HTR4: variants seen among roughly 807,000 people sequenced by gnomAD.
HTR4 encodes the protein 5-hydroxytryptamine (serotonin) receptor 4, G protein-coupled.
HTR4 carries 16 observed loss-of-function variants against 36.8 expected under a neutral mutation model. The ratio of observed to expected loss-of-function variants is 0.43; its 90% CI spans 0.29 to 0.66. The LOEUF (loss-of-function observed/expected upper bound fraction) is 0.66, where lower values mean the gene tolerates loss of function less well. Among genes scored for constraint, HTR4 ranks in the 30% least tolerant of loss-of-function variants. The pLI is 0.13. For synonymous variants in HTR4, 189 were observed against 185.1 expected (o/e 1.02, Z -0.17); for missense variants, 438 against 490.9 (o/e 0.89, Z 1.02).
chr5:148,588,699 C>T (rs1428923440), intron 2 of HTR4, among the ~76,000 whole-genome samples: 1 of 150,584 alleles, frequency 6.6e-6, no homozygotes, highest in Non-Finnish European at 1.5e-5. Flanking sequence ...CGCCACCGCG[C>T]CCGGCTAATT....
chr5:148,579,733 G>C (rs1345944950), intron 2 of HTR4, among the ~76,000 whole-genome samples: 1 of 152,022 alleles, frequency 6.6e-6, no homozygotes, highest in Non-Finnish European at 1.5e-5. Context: ...GCTGCTGTCA[G>C]CTGAGGTAAC....
At chr5:148,555,667 C>A (rs141484232) in intron 2 of HTR4, among the ~76,000 whole-genome samples, 1 of 152,152 alleles carries the variant, frequency 6.6e-6, no homozygotes, top group Non-Finnish European at 1.5e-5. Flanking sequence ...TAAATTGGTT[C>A]GTTGACAGCT....
intron 2 of HTR4, among the ~76,000 whole-genome samples, chr5:148,608,420 C>A (rs72832082): frequency 0.022 from 3,402 of 152,152 alleles, 49 homozygotes; most frequent in African/African-American, 0.035. Context: ...TGTGCCATAA[C>A]TAGCCAAATG....
chr5:148,491,636 A>T (rs10077498), intron 6 of HTR4, among the ~76,000 whole-genome samples: 72,089 of 151,958 alleles, frequency 0.47, 17,649 homozygotes, highest in African/African-American at 0.6. Context: ...CAAAAATGCC[A>T]CCAGATATTG....
chr5:148,555,164 C>T (rs12055273), intron 2 of HTR4, among the ~76,000 whole-genome samples: 28,153 of 151,964 alleles, frequency 0.19, 3,708 homozygotes, highest in African/African-American at 0.37. Context: ...TGTTTTAGGT[C>T]GCTTTTTTGT....
At chr5:148,524,775 A>G (rs1219320163) in intron 4 of HTR4, among the ~76,000 whole-genome samples, 2 of 152,236 alleles carry the variant, frequency 1.3e-5, no homozygotes, top group Non-Finnish European at 2.9e-5. Flanking sequence ...TATGCAGTTC[A>G]CTTTGTTAAT....
intron 2 of HTR4, among the ~76,000 whole-genome samples, chr5:148,558,635 C>T (rs1282856658): frequency 2.6e-5 from 4 of 152,144 alleles, no homozygotes; most frequent in South Asian, 4.1e-4. Context: ...AAAACCGTCC[C>T]TTGTCGTGAA....
At chr5:148,453,545 A>C (rs756881843) in intron 5 of HTR4, among the ~76,000 whole-genome samples, 1 of 152,194 alleles carries the variant, frequency 6.6e-6, no homozygotes, top group Non-Finnish European at 1.5e-5. Context: ...TTCTAGGTAG[A>C]GGGAACAGCA....
At chr5:148,544,802 T>G (rs1182136719) in intron 4 of HTR4, among the ~76,000 whole-genome samples, 1 of 151,926 alleles carries the variant, frequency 6.6e-6, no homozygotes, top group Non-Finnish European at 1.5e-5. Context: ...ACTAAAGGAG[T>G]CCTACATTTT....
Position 148,654,120 on chromosome 5 carries a change from C to A in HTR4, c.-106G>T. 1.0e-6 allele frequency: 1 copy of A among 985,660 alleles called. No individual in the cohort carries two copies. Among genetic ancestry groups the A allele is most frequent in the South Asian group, 4.7e-5 (1 of 21,432 alleles). The allele number at this position is 985,660 out of a possible 1,614,324, so 61.1% of individuals were successfully genotyped here. ...GCAGATTCGAGCGGCCACCCCCAGCCGCTGAGCCGAGCTTCTGCTGCCGCC... is the reference window on the plus strand; with the variant it reads ...GCAGATTCGAGCGGCCACCCCCAGCAGCTGAGCCGAGCTTCTGCTGCCGCC... On this transcript the variant is annotated 5_prime_UTR_variant, in exon 1 of 7. Coordinates refer to ENST00000377888, the MANE Select transcript of HTR4 (RefSeq NM_000870.7).
chr5:148,501,284 G>A (rs987426156), intron 6 of HTR4, among the ~76,000 whole-genome samples: 4 of 152,172 alleles, frequency 2.6e-5, no homozygotes, highest in Admixed American at 2.6e-4. Context: ...CATTTACATA[G>A]AGTGAGAAAA....
At chr5:148,504,866 C>A (rs991328738) in intron 6 of HTR4, among the ~76,000 whole-genome samples, 4 of 152,162 alleles carry the variant, frequency 2.6e-5, no homozygotes, top group African/African-American at 9.7e-5. Context: ...CTATAAACAC[C>A]TCTACGCAAA....
chr5:148,625,885 C>G (rs929967267), intron 2 of HTR4, among the ~76,000 whole-genome samples: 2 of 151,310 alleles, frequency 1.3e-5, no homozygotes, highest in African/African-American at 4.9e-5. Context: ...GGCTGCAAAG[C>G]CTTTTTTTTT....
chr5:148,651,695 T>C (rs572742848), intron 1 of HTR4, among the ~76,000 whole-genome samples: 28 of 151,522 alleles, frequency 1.8e-4, no homozygotes, highest in Non-Finnish European at 2.2e-4. Flanking sequence ...ACCTTAATAA[T>C]ATTATTGAAT....
At chr5:148,473,907 G>A (rs187054980), downstream of HTR4, among the ~76,000 whole-genome samples, 7 of 152,174 alleles carry the variant, frequency 4.6e-5, 1 homozygote, top group South Asian at 1.2e-3. Flanking sequence ...AGAAATGCCA[G>A]GAAATTAGAG....
At chr5:148,580,823 G>T (rs1761104193) in intron 2 of HTR4, among the ~76,000 whole-genome samples, 2 of 152,124 alleles carry the variant, frequency 1.3e-5, no homozygotes, top group African/African-American at 4.8e-5. Flanking sequence ...TTGTTGCCAT[G>T]AACATGGGAG....
At chr5:148,501,579 TC>T (rs1756935006) in intron 6 of HTR4, among the ~76,000 whole-genome samples, 1 of 152,198 alleles carries the variant, frequency 6.6e-6, no homozygotes, top group Admixed American at 6.5e-5. Flanking sequence ...GAGTTTAAGT[TC>T]CTATTACATA....
At chr5:148,631,451 G>T (rs1369579032) in intron 2 of HTR4, among the ~76,000 whole-genome samples, 1 of 152,088 alleles carries the variant, frequency 6.6e-6, no homozygotes, top group Non-Finnish European at 1.5e-5. Context: ...TTACAAACAT[G>T]AATTGACTCC....
intron 6 of HTR4, among the ~76,000 whole-genome samples, chr5:148,492,972 T>C (rs945708468): frequency 1.3e-5 from 2 of 152,192 alleles, no homozygotes; most frequent in African/African-American, 4.8e-5. Flanking sequence ...AGGGATAATG[T>C]TTCAGCCTCA....
Sources: allele counts gnomAD v4.1 joint callset (sites outside exome capture counted in the v4.1 genomes callset), GRCh38; gene constraint gnomAD v4.1.1; transcripts MANE v1.5; gene names NCBI Gene and HGNC (gene_info 2026-07-23, HGNC 2026-07-21).